BMP7: variants seen among roughly 807,000 people sequenced by gnomAD.
BMP7 encodes bone morphogenetic protein 7, also known as osteogenic protein 1.
In BMP7, 12 loss-of-function variants were observed where a neutral mutation model predicts 41.2. The observed-to-expected ratio is 0.29, with a 90% CI of 0.19 to 0.47. The LOEUF (loss-of-function observed/expected upper bound fraction) is 0.47. Ranked by LOEUF, BMP7 falls within the 20% of genes least tolerant of loss-of-function variation. BMP7 has a pLI of 0.99. For synonymous variants in BMP7, 248 were observed against 250.0 expected (o/e 0.99, Z 0.07); for missense variants, 467 against 606.0 (o/e 0.77, Z 2.41).
chr20:57,243,122 C>T (rs1434695770), intron 1 of BMP7, among the ~76,000 whole-genome samples: 1 of 152,196 alleles, frequency 6.6e-6, no homozygotes, highest in Non-Finnish European at 1.5e-5. Context: ...CTTTGTAGCA[C>T]CAAGGGTTTG....
chr20:57,183,187 A>G (rs6070014), intron 4 of BMP7, among the ~76,000 whole-genome samples: 129,692 of 152,064 alleles, frequency 0.85, 57,024 homozygotes, highest in South Asian at 0.96. Context: ...GTAAGCCGAG[A>G]TCGCACCACT....
At chr20:57,177,108 C>T (rs774701983) in intron 4 of BMP7, among the ~76,000 whole-genome samples, 6 of 152,126 alleles carry the variant, frequency 3.9e-5, no homozygotes, top group Non-Finnish European at 8.8e-5. Context: ...GTCCTGGAAA[C>T]CTTCAGTGTG....
At chr20:57,255,799 CAAA>C (rs3067106) in intron 1 of BMP7, among the ~76,000 whole-genome samples, 29 of 48,616 alleles carry the variant, frequency 6.0e-4, no homozygotes, top group Non-Finnish European at 8.4e-4. Context: ...GACTCCATCT[CAAA>C]AAAAAAAAAA....
chr20:57,202,868 T>C (rs1261600647), intron 2 of BMP7, among the ~76,000 whole-genome samples: 1 of 152,064 alleles, frequency 6.6e-6, no homozygotes, highest in Non-Finnish European at 1.5e-5. Context: ...TACAAGGCAA[T>C]CTCACCCCAT....
chr20:57,187,554 CCTCTCTCTCT>C (rs140073062), intron 3 of BMP7, among the ~76,000 whole-genome samples: 1 of 144,020 alleles, frequency 6.9e-6, no homozygotes, highest in African/African-American at 2.6e-5. Context: ...GGAAGCCTGC[CCTCTCTCTCT>C]CTCTCTCTCT....
chr20:57,202,790 G>A (rs949701689), intron 2 of BMP7, among the ~76,000 whole-genome samples, 167 bp from the exon 3 acceptor site: 33 of 152,318 alleles, frequency 2.2e-4, no homozygotes, highest in Middle Eastern at 3.4e-3. Context: ...AGACCCCTCA[G>A]TAGCTGTGGT....
chr20:57,191,895 T>C (rs1396835397), intron 3 of BMP7, among the ~76,000 whole-genome samples: 2 of 135,196 alleles, frequency 1.5e-5, no homozygotes, highest in East Asian at 2.1e-4. Flanking sequence ...ATATATAGTA[T>C]AGATAGTATA....
intron 3 of BMP7, among the ~76,000 whole-genome samples, chr20:57,194,219 CA>C (rs1284609668): frequency 1.3e-5 from 2 of 152,116 alleles, no homozygotes; most frequent in Non-Finnish European, 2.9e-5. Context: ...GAGAGAGCCT[CA>C]GGACAAAATG....
rs1983889396 is a variant in BMP7 at position 57,174,946 on chromosome 20, T to C, written c.1020A>G (p.Arg340=). Residue 340 remains arginine, a synonymous_variant, in exon 5 of 7, where the codon CGA becomes CGG. Coordinates refer to ENST00000395863, the MANE Select transcript of BMP7 (RefSeq NM_001719.3). The surrounding 1 kb of genome is among the most constrained non-coding windows in gnomAD (Gnocchi z 4.3). ...CKKHELYVSF[R]DLGWQDWIIA... ...AGCCCCTTACCTGCCAGCCCAGGTC[T>C]CGGAAGCTGACATACAGCTCGTGCT... 1 of 1,612,008 alleles carries C rather than the reference T, an allele frequency of 6.2e-7. No individual in the cohort carries two copies. Among genetic ancestry groups the C allele is most frequent in the African/African-American group, 1.3e-5 (1 of 75,024 alleles).
At chr20:57,182,422 C>T (rs116498304) in intron 4 of BMP7, among the ~76,000 whole-genome samples, 147 of 152,382 alleles carry the variant, frequency 9.6e-4, no homozygotes, top group Middle Eastern at 3.4e-3. Flanking sequence ...ACCCCAGCCA[C>T]AGCCCCAGTG....
chr20:57,236,038 G>A (rs562532202), intron 1 of BMP7, among the ~76,000 whole-genome samples: 1 of 152,202 alleles, frequency 6.6e-6, no homozygotes, highest in Non-Finnish European at 1.5e-5. Flanking sequence ...CTCCCTCCTG[G>A]CACCCGAGGT....
At chr20:57,240,091 T>C (rs542917411) in intron 1 of BMP7, among the ~76,000 whole-genome samples, 1 of 152,372 alleles carries the variant, frequency 6.6e-6, no homozygotes, top group East Asian at 1.9e-4. Context: ...AATGGATTCT[T>C]CTTTTCTATC....
chr20:57,232,449 A>T (rs1458341306), intron 1 of BMP7, among the ~76,000 whole-genome samples: 6 of 152,260 alleles, frequency 3.9e-5, no homozygotes, highest in African/African-American at 1.4e-4. Flanking sequence ...AACAATAAAG[A>T]TACGTTTGAA....
Position 57,202,615 on chromosome 20 carries a change from T to A in BMP7, c.620A>T (p.Asp207Val), listed in dbSNP as rs1000981409. ...GGTACGGCTGTCGAGCAGGAAGAGA[T>A]CCGATTCCCTGCGAGAGAGGAGGAG... ...VLQEHLGRES[D>V]LFLLDSRTLW... is the part of the protein sequence containing the mutation. Residue 207 changes from aspartate to valine, a missense_variant, in exon 3 of 7, where the codon GAT becomes GTT. Physicochemically the swap from Asp to Val is radical, Grantham distance 152. Transcript: ENST00000395863. The A allele has an allele frequency of 1.2e-6, 2 of 1,610,318 alleles. No homozygotes were observed. Among genetic ancestry groups the A allele is most frequent in the Non-Finnish European group, 1.7e-6 (2 of 1,179,582 alleles).
chr20:57,172,892 C>T, intron 6 of BMP7: 1 of 594,304 alleles, frequency 1.7e-6, no homozygotes, highest in African/African-American at 1.9e-5. Context: ...GCCCAGTGCT[C>T]TTAGGCACCG....
intron 3 of BMP7, among the ~76,000 whole-genome samples, chr20:57,185,793 C>T (rs1197186408): frequency 1.3e-5 from 2 of 152,118 alleles, no homozygotes; most frequent in Non-Finnish European, 1.5e-5. Context: ...TCAATAAATG[C>T]TAGCTCAGGG....
At chr20:57,221,811 CAAAAAAAA>C (rs57893562) in intron 2 of BMP7, among the ~76,000 whole-genome samples, 4,366 of 127,540 alleles carry the variant, frequency 0.034, 85 homozygotes, top group Middle Eastern at 0.069. Flanking sequence ...CCCTATCTCT[CAAAAAAAA>C]AAAAAAAAAA....
At chr20:57,238,194 A>G (rs1282790787) in intron 1 of BMP7, among the ~76,000 whole-genome samples, 1 of 152,184 alleles carries the variant, frequency 6.6e-6, no homozygotes, top group Admixed American at 6.5e-5. Context: ...GGCAACACCT[A>G]TAAATGGAAT....
chr20:57,216,489 C>CGCTGTCTCCTGAGGGTGAGGG (rs1985022188), intron 2 of BMP7, among the ~76,000 whole-genome samples: 1 of 133,694 alleles, frequency 7.5e-6, no homozygotes, highest in Non-Finnish European at 1.5e-5. Flanking sequence ...AGGACGAGGG[C>CGCTGTCTCCTGAGGGTGAGGG]GCTGTCTCCT....
Sources: gnomAD v4.1 joint callset for allele counts (sites outside exome capture counted in the v4.1 genomes callset) on GRCh38, gnomAD v4.1.1 for gene constraint, Gnocchi (gnomAD v3.1) non-coding constraint, MANE v1.5 for transcripts, NCBI Gene and HGNC (gene_info 2026-07-23, HGNC 2026-07-21) for gene names.